HIVEP1: variants seen among roughly 807,000 people sequenced by gnomAD.
HIVEP1 encodes zinc finger protein 40.
A neutral mutation model predicts 180.0 loss-of-function variants in HIVEP1; 36 were observed. That is an observed-to-expected ratio of 0.20 (90% CI 0.15 to 0.26). The LOEUF (loss-of-function observed/expected upper bound fraction) is 0.26. Ranked by LOEUF, HIVEP1 falls within the 10% of genes least tolerant of loss-of-function variation. The pLI is 1.00. For missense variants in HIVEP1, 3,143 were observed against 3,268.7 expected (o/e 0.96, Z 0.94); for synonymous variants, 1,239 against 1,239.0 (o/e 1.00, Z 0.00).
intron 2 of HIVEP1, among the ~76,000 whole-genome samples, chr6:12,033,787 A>G (rs907614921): frequency 6.6e-6 from 1 of 152,218 alleles, no homozygotes; most frequent in African/African-American, 2.4e-5. Flanking sequence ...ATCTCTAGAC[A>G]CTTCTTGTTC....
chr6:12,188,751 T>C, the HIVEP1 span, among the ~76,000 whole-genome samples: 2 of 151,974 alleles, frequency 1.3e-5, no homozygotes, highest in African/African-American at 2.4e-5. Context: ...AGATTCAATA[T>C]TGTAAAGTTC....
chr6:12,119,864 T>TTTG (rs142489989), intron 3 of HIVEP1, 26 bp from the exon 4 acceptor site: 28 of 1,425,908 alleles, frequency 2.0e-5, no homozygotes, highest in Admixed American at 4.6e-5. Context: ...TTACCAATTG[T>TTTG]TTGTTGTTGT....
chr6:12,151,794 G>A (rs1245511305), intron 7 of HIVEP1, among the ~76,000 whole-genome samples: 1 of 152,158 alleles, frequency 6.6e-6, no homozygotes, highest in African/African-American at 2.4e-5. Flanking sequence ...AAAGAAATGA[G>A]CCTGGCTGTG....
chr6:12,120,887 T>C lies in HIVEP1; in HGVS notation c.1092T>C (p.Asn364=), dbSNP rs1423951719. Residue 364 remains asparagine, a synonymous_variant, in exon 4 of 9, where the codon AAT becomes AAC. Transcript: ENST00000379388. ...SASPLSISPA[N]STQSPPMPIY... is the part of the protein sequence containing the mutation. Reference sequence around the variant, plus strand: ...CACCTTTGTCAATAAGTCCGGCTAATTCTACACAGTCGCCCCCCATGCCAA... The same window carrying C: ...CACCTTTGTCAATAAGTCCGGCTAACTCTACACAGTCGCCCCCCATGCCAA... 2.5e-6 allele frequency: 4 copies of C among 1,614,066 alleles called. No homozygotes were observed. Among genetic ancestry groups the C allele is most frequent in the African/African-American group, 2.7e-5 (2 of 74,920 alleles).
chr6:12,158,394 G>T (rs1429756746), intron 7 of HIVEP1, among the ~76,000 whole-genome samples: 1 of 152,110 alleles, frequency 6.6e-6, no homozygotes, highest in Non-Finnish European at 1.5e-5. Context: ...CTGGGGGTTG[G>T]ATCACAAGAA....
intron 3 of HIVEP1, among the ~76,000 whole-genome samples, chr6:12,119,575 T>G (rs1775432781): frequency 6.6e-6 from 1 of 152,194 alleles, no homozygotes; most frequent in Non-Finnish European, 1.5e-5. Context: ...TGTTTAAGTA[T>G]GATAGTGAAA....
chr6:12,192,237 T>C, the HIVEP1 span, among the ~76,000 whole-genome samples: 2 of 140,360 alleles, frequency 1.4e-5, no homozygotes, highest in Non-Finnish European at 3.1e-5. Context: ...TTGATTTGTA[T>C]GTTTCATAGA....
chr6:12,168,197 T>TATATTATATAG (rs1760794758), downstream of HIVEP1, among the ~76,000 whole-genome samples: 2 of 96,470 alleles, frequency 2.1e-5, no homozygotes, highest in South Asian at 3.1e-4. Flanking sequence ...TATACGTGTA[T>TATATTATATAG]ATATACATAT....
At chr6:12,108,692 C>T (rs1399702876) in intron 3 of HIVEP1, among the ~76,000 whole-genome samples, 1 of 152,206 alleles carries the variant, frequency 6.6e-6, no homozygotes, top group Non-Finnish European at 1.5e-5. Context: ...AGTGCGGGGC[C>T]CGCCAAGCCC....
chr6:12,078,997 G>A (rs1239411714), intron 2 of HIVEP1, among the ~76,000 whole-genome samples: 4 of 152,072 alleles, frequency 2.6e-5, no homozygotes, highest in Non-Finnish European at 4.4e-5. Context: ...CAAGTTCAGT[G>A]GACCCTGGCG....
the HIVEP1 span, among the ~76,000 whole-genome samples, chr6:12,204,082 A>G: frequency 2.6e-5 from 4 of 152,170 alleles, no homozygotes; most frequent in East Asian, 1.9e-4. Flanking sequence ...ATCTGAAAAA[A>G]AAAAAGAAAA....
intron 2 of HIVEP1, among the ~76,000 whole-genome samples, chr6:12,053,332 G>T (rs1770658339): frequency 6.6e-6 from 1 of 150,436 alleles, no homozygotes; most frequent in South Asian, 2.1e-4. Context: ...TCAATTTGTG[G>T]TTTGTTTAAA....
the HIVEP1 span, among the ~76,000 whole-genome samples, chr6:12,181,354 C>A: frequency 1.3e-5 from 2 of 151,250 alleles, no homozygotes; most frequent in African/African-American, 4.9e-5. Context: ...AGTGAGACTC[C>A]GTCTCAAAAA....
intron 2 of HIVEP1, among the ~76,000 whole-genome samples, chr6:12,074,962 C>T (rs994280485): frequency 1.3e-5 from 2 of 152,112 alleles, no homozygotes; most frequent in Non-Finnish European, 2.9e-5. Context: ...GAAATACTTT[C>T]TTCTTGTATT....
intron 2 of HIVEP1, among the ~76,000 whole-genome samples, chr6:12,034,391 A>T (rs949845687): frequency 2.0e-5 from 3 of 152,126 alleles, no homozygotes; most frequent in Non-Finnish European, 4.4e-5. Context: ...AGATTGGATA[A>T]TTTTTCTTGT....
intron 2 of HIVEP1, among the ~76,000 whole-genome samples, chr6:12,088,008 TTGCCTTGGCAAGTTGGATCAATATGC>T (rs559096235): frequency 1.9e-3 from 291 of 152,318 alleles, no homozygotes; most frequent in African/African-American, 6.4e-3. Flanking sequence ...TTCTCCCACT[TTGCCTTGGCAAGTTGGATCAATATGC>T]AATTGAAAGA....
chr6:12,010,497 A>T (rs1057061108), upstream of HIVEP1, among the ~76,000 whole-genome samples: 64 of 152,218 alleles, frequency 4.2e-4, no homozygotes, highest in Non-Finnish European at 1.9e-4. Context: ...TGGAAGCCCA[A>T]GGGAACAAAA....
intron 6 of HIVEP1, among the ~76,000 whole-genome samples, chr6:12,132,166 G>T (rs1758458854): frequency 6.6e-6 from 1 of 152,176 alleles, no homozygotes; most frequent in Non-Finnish European, 1.5e-5. Context: ...TCTGTCATTG[G>T]AGGGTGAGTT....
intron 2 of HIVEP1, among the ~76,000 whole-genome samples, chr6:12,047,260 G>A (rs756257172): frequency 2.0e-5 from 3 of 152,212 alleles, no homozygotes; most frequent in Non-Finnish European, 2.9e-5. Flanking sequence ...ATATGTGTAA[G>A]TCTTGTAACG....
Sources: gnomAD v4.1 joint callset for allele counts (sites outside exome capture counted in the v4.1 genomes callset) on GRCh38, gnomAD v4.1.1 for gene constraint, MANE v1.5 for transcripts, NCBI Gene and HGNC (gene_info 2026-07-23, HGNC 2026-07-21) for gene names.